C2orf80: variants seen among roughly 807,000 people sequenced by gnomAD.
C2orf80 encodes the protein uncharacterized protein C2orf80.
Under a neutral mutation model 30.2 loss-of-function variants are expected in C2orf80, and 28 were observed. That is an observed-to-expected ratio of 0.93 (90% CI 0.69 to 1.27). The LOEUF is 1.27. C2orf80 is among the 50% of genes most tolerant of loss of function. The pLI is 0.00. For synonymous variants in C2orf80, 80 were observed against 76.4 expected (o/e 1.05, Z -0.24); for missense variants, 220 against 231.0 (o/e 0.95, Z 0.31).
At chr2:208,177,024 TACA>T (rs1696372091) in intron 6 of C2orf80, among the ~76,000 whole-genome samples, 1 of 82,974 alleles carries the variant, frequency 1.2e-5, no homozygotes, top group African/African-American at 3.9e-5. Context: ...GATACATATA[TACA>T]GATATAGTAC....
chr2:208,179,798 G>T (rs1696493556), intron 6 of C2orf80, among the ~76,000 whole-genome samples: 1 of 151,746 alleles, frequency 6.6e-6, no homozygotes, highest in African/African-American at 2.4e-5. Flanking sequence ...TCAAACCCAG[G>T]TCTCTGAACT....
intron 6 of C2orf80, among the ~76,000 whole-genome samples, chr2:208,176,310 G>C (rs1041048489): frequency 6.6e-6 from 1 of 152,098 alleles, no homozygotes; most frequent in African/African-American, 2.4e-5. Context: ...TGAGTAGCTG[G>C]GATTACAGGA....
chr2:208,167,382 T>C (rs1461437892), intron 8 of C2orf80, among the ~76,000 whole-genome samples: 1 of 151,332 alleles, frequency 6.6e-6, no homozygotes, highest in East Asian at 2.0e-4. Context: ...ATTAGCCAGG[T>C]GTGGTGGTGC....
In C2orf80 at chr2:208,185,339, A is replaced by G. The variant is rs1447622193; in HGVS notation, c.42-307T>C. On this transcript the variant is annotated intron_variant, in intron 2 of 8. Coordinates refer to ENST00000341287, the MANE Select transcript of C2orf80 (RefSeq NM_001099334.3). ...ACACAGAAATGGTTTTACAAGACCAAAAGGATTGAGACACACTGTTTAAAA... is the reference window on the plus strand; with the variant it reads ...ACACAGAAATGGTTTTACAAGACCAGAAGGATTGAGACACACTGTTTAAAA... 2.0e-5 allele frequency among the ~76,000 whole-genome samples: 3 copies of G among 152,246 alleles called. 1 individual carries two copies. Among genetic ancestry groups the G allele is most frequent in the Admixed American group, 6.5e-5 (1 of 15,290 alleles).
rs538253666 is a variant in C2orf80, at chr2:208,184,957, A to G, written c.117T>C (p.Asp39=). The G allele has an allele frequency of 3.1e-6, 5 of 1,612,926 alleles. No homozygotes were observed. The highest frequency in any genetic ancestry group is 3.3e-5 in the Admixed American group (2 of 60,008). Residue 39 remains aspartate, a synonymous_variant, in exon 3 of 9, where the codon GAT becomes GAC. Coordinates refer to ENST00000341287, the MANE Select transcript of C2orf80 (RefSeq NM_001099334.3). ...TCAGCGTGCCTTTCTTTACCATATCATCTAGAAAGGTGAGTTGCCGTCTTC... is the reference window on the plus strand; with the variant it reads ...TCAGCGTGCCTTTCTTTACCATATCGTCTAGAAAGGTGAGTTGCCGTCTTC... ...PKGRRQLTFL[D]DMAHYDLAIS... is the part of the protein sequence containing the mutation.
chr2:208,183,580 G>T (rs1696627822), intron 3 of C2orf80, among the ~76,000 whole-genome samples: 2 of 152,086 alleles, frequency 1.3e-5, no homozygotes, highest in South Asian at 4.1e-4. Flanking sequence ...GAATTTGGAG[G>T]GATGGGCCGT....
At chr2:208,174,740 G>T (rs17538737) in intron 6 of C2orf80, among the ~76,000 whole-genome samples, 4,432 of 152,302 alleles carry the variant, frequency 0.029, 95 homozygotes, top group Non-Finnish European at 0.044. Context: ...CCTGGACTTG[G>T]ATGTCAGTTA....
chr2:208,189,785 T>C (rs776191095), intron 1 of C2orf80, 168 bp downstream of exon 1: 23 of 623,852 alleles, frequency 3.7e-5, no homozygotes, highest in Non-Finnish European at 5.4e-5. Context: ...ATAGAAACAA[T>C]TCCCTAGAAG....
chr2:208,174,416 C>A (rs1696210032), intron 6 of C2orf80, among the ~76,000 whole-genome samples: 1 of 152,114 alleles, frequency 6.6e-6, no homozygotes, highest in Non-Finnish European at 1.5e-5. Flanking sequence ...AGGGTGGAAG[C>A]CAGGCCTATC....
At chr2:208,182,912 A>T in intron 4 of C2orf80, 53 bp downstream of exon 4, 1 of 1,401,938 alleles carries the variant, frequency 7.1e-7, no homozygotes, top group Non-Finnish European at 1.0e-6. Flanking sequence ...TTCCTCTATC[A>T]TTAATCATAG....
chr2:208,177,214 A>G (rs968448671), intron 6 of C2orf80, among the ~76,000 whole-genome samples: 6 of 148,502 alleles, frequency 4.0e-5, no homozygotes, highest in Admixed American at 3.4e-4. Context: ...TAATATATAT[A>G]ATCGAGCCAT....
At chr2:208,179,733 A>C (rs946105625) in intron 6 of C2orf80, among the ~76,000 whole-genome samples, 15 of 150,436 alleles carry the variant, frequency 1.0e-4, no homozygotes, top group African/African-American at 3.7e-4. Flanking sequence ...AGTCATATGG[A>C]GGCCCGAAAG....
Position 208,165,685 on chromosome 2 carries a change from G to GCAGTTGTACCAAAAA in C2orf80, c.*107_*121dup. The GCAGTTGTACCAAAAA allele has an allele frequency of 7.7e-7, 1 of 1,300,524 alleles. No homozygotes were observed. Among genetic ancestry groups the GCAGTTGTACCAAAAA allele is most frequent in the Middle Eastern group, 1.9e-4 (1 of 5,386 alleles). 80.6% of individuals were successfully genotyped at this position (1,300,524 alleles called of 1,614,324 possible). A position where few individuals can be genotyped will look rare whatever the true frequency, so the allele number is the denominator to read the frequency against. Reference sequence around the variant, plus strand: ...TCAACATCAAAAATAACACTTCAGTGCAGTTGTACCAAAAACAGTTGTAAA... The same window carrying GCAGTTGTACCAAAAA: ...TCAACATCAAAAATAACACTTCAGTGCAGTTGTACCAAAAACAGTTGTACCAAAAACAGTTGTAAA... On this transcript the variant is annotated 3_prime_UTR_variant, in exon 9 of 9. Coordinates refer to ENST00000341287, the MANE Select transcript of C2orf80 (RefSeq NM_001099334.3).
At chr2:208,180,604 A>G in intron 6 of C2orf80, 141 bp downstream of exon 6, 1 of 636,988 alleles carries the variant, frequency 1.6e-6, no homozygotes, top group Non-Finnish European at 2.7e-6. Context: ...CAAGTAAGAA[A>G]TGGTTATGTC....
chr2:208,182,898 G>C (rs957106424), intron 4 of C2orf80, 67 bp downstream of exon 4: 10 of 1,267,696 alleles, frequency 7.9e-6, no homozygotes, highest in Non-Finnish European at 9.3e-6. Flanking sequence ...GTTAGGGCTG[G>C]AACTTCCTCT....
chr2:208,171,680 C>T (rs1424119950), intron 7 of C2orf80, among the ~76,000 whole-genome samples: 2 of 152,044 alleles, frequency 1.3e-5, no homozygotes, highest in African/African-American at 4.8e-5. Flanking sequence ...CTTCTGGGCA[C>T]ACAAGAGATC....
intron 1 of C2orf80, among the ~76,000 whole-genome samples, chr2:208,188,412 A>G (rs1696782101): frequency 6.6e-6 from 1 of 152,058 alleles, no homozygotes; most frequent in African/African-American, 2.4e-5. Context: ...CGCTGATCTA[A>G]ATGAATGCTT....
intron 6 of C2orf80, among the ~76,000 whole-genome samples, chr2:208,173,434 A>T (rs151033660): frequency 6.6e-6 from 1 of 152,166 alleles, no homozygotes; most frequent in East Asian, 1.9e-4. Flanking sequence ...ACTATCCTGG[A>T]TAACACTGTG....
intron 6 of C2orf80, among the ~76,000 whole-genome samples, chr2:208,173,567 G>C (rs1696179021): frequency 1.3e-5 from 2 of 152,152 alleles, no homozygotes; most frequent in Non-Finnish European, 2.9e-5. Flanking sequence ...GGAGCTTGCC[G>C]TGAGCCGAGA....
Sources: allele counts gnomAD v4.1 joint callset (sites outside exome capture counted in the v4.1 genomes callset), GRCh38; gene constraint gnomAD v4.1.1; transcripts MANE v1.5; gene names NCBI Gene and HGNC (gene_info 2026-07-23, HGNC 2026-07-21).